The following DENND1A variants were observed in gnomAD, a reference collection of about 807,000 sequenced individuals.
DENND1A encodes the protein DENN domain containing 1A, also known as DENN domain-containing protein 1A.
A neutral mutation model predicts 113.7 loss-of-function variants in DENND1A; 51 were observed. The ratio of observed to expected loss-of-function variants is 0.45; its 90% CI spans 0.36 to 0.57. The LOEUF is 0.57. DENND1A is among the 20% of genes least tolerant of loss of function. DENND1A has a pLI of 0.00. For missense variants in DENND1A, 1,258 were observed against 1,395.9 expected (o/e 0.90, Z 1.57); for synonymous variants, 565 against 570.8 (o/e 0.99, Z 0.14).
intron 2 of DENND1A, among the ~76,000 whole-genome samples, chr9:123,794,163 C>T (rs1833427588): frequency 6.6e-6 from 1 of 152,138 alleles, no homozygotes; most frequent in African/African-American, 2.4e-5. Flanking sequence ...CAGCGGGCAC[C>T]AAGAGTGTGG....
rs2060434831 is a variant in DENND1A, at chr9:123,611,898, G to C, written c.720-2417C>G. ...CTCATGGAAGAGACTGAAGAGGCAA[G>C]AAAGGGCAAAATGGAACTCATTCTT... On this transcript the variant is annotated intron_variant, in intron 10 of 23. Coordinates refer to ENST00000394215, the MANE Select transcript of DENND1A (RefSeq NM_001352964.2). 3.9e-5 allele frequency among the ~76,000 whole-genome samples: 6 copies of C among 152,220 alleles called. No homozygotes were observed. In the South Asian group the frequency reaches 1.2e-3, roughly 31 times the overall value.
chr9:123,852,728 G>C (rs1590375883), intron 2 of DENND1A, among the ~76,000 whole-genome samples: 1 of 152,108 alleles, frequency 6.6e-6, no homozygotes, highest in African/African-American at 2.4e-5. Flanking sequence ...CACAGCAGCA[G>C]AGGGAATACT....
chr9:123,670,943 T>C (rs893001196), intron 7 of DENND1A, among the ~76,000 whole-genome samples: 4 of 152,130 alleles, frequency 2.6e-5, no homozygotes, highest in Admixed American at 2.6e-4. Flanking sequence ...TGTACAGCAG[T>C]GCTGGGGGAC....
Position 123,383,874 on chromosome 9 carries a change from C to T in DENND1A, c.1800G>A (p.Ala600=), listed in dbSNP as rs141135739. ...CTGGACTCTCTGCCTCGTCGCCTTC[C>T]GCGCTGTCTGACTCCCTGAGTGTCC... ...PYRTLRESDS[A]EGDEAESPEQ... The change falls in exon 23 of 24, where the codon GCG becomes GCA. Residue 600 remains alanine, a synonymous_variant. Transcript: ENST00000394215. 59 of 1,612,844 alleles carry T rather than the reference C, an allele frequency of 3.7e-5. No homozygotes were observed. Among genetic ancestry groups the T allele is most frequent in the Non-Finnish European group, 4.4e-5 (52 of 1,180,022 alleles).
chr9:123,390,789 G>A (rs1314813401), intron 21 of DENND1A, among the ~76,000 whole-genome samples: 6 of 152,220 alleles, frequency 3.9e-5, no homozygotes, highest in Non-Finnish European at 7.3e-5. Context: ...AGATGCACAC[G>A]AGGGGACACC....
chr9:123,433,319 A>C (rs978173156), intron 19 of DENND1A, among the ~76,000 whole-genome samples: 4 of 152,124 alleles, frequency 2.6e-5, no homozygotes, highest in African/African-American at 9.7e-5. Context: ...ACTCTAACTC[A>C]TTGTCTCCAG....
At chr9:123,817,427 T>C (rs1358333503) in intron 2 of DENND1A, among the ~76,000 whole-genome samples, 1 of 152,206 alleles carries the variant, frequency 6.6e-6, no homozygotes, top group Non-Finnish European at 1.5e-5. Flanking sequence ...ATCATCCACG[T>C]GCAAGGTATA....
intron 1 of DENND1A, among the ~76,000 whole-genome samples, chr9:123,879,577 T>C (rs1329905887): frequency 7.3e-6 from 1 of 136,682 alleles, no homozygotes; most frequent in African/African-American, 2.9e-5. Flanking sequence ...CACACACAAA[T>C]TGTCTAGGCA....
intron 8 of DENND1A, among the ~76,000 whole-genome samples, chr9:123,658,798 C>T (rs1456507362): frequency 1.3e-5 from 2 of 152,190 alleles, no homozygotes; most frequent in Non-Finnish European, 2.9e-5. Flanking sequence ...ATACTGATCC[C>T]TGTCCTTAGA....
intron 2 of DENND1A, chr9:123,798,629 A>G (rs1834123090): frequency 6.6e-6 from 1 of 151,798 alleles, no homozygotes. Context: ...TCTGATCCTT[A>G]AACAAATTTA....
chr9:123,469,378 T>C (rs940584389), intron 13 of DENND1A, among the ~76,000 whole-genome samples: 5 of 152,234 alleles, frequency 3.3e-5, no homozygotes, highest in Non-Finnish European at 7.3e-5. Context: ...GCTGCCAGTA[T>C]TTGCCCATTC....
intron 4 of DENND1A, among the ~76,000 whole-genome samples, chr9:123,766,482 G>A (rs1828835051): frequency 6.6e-6 from 1 of 152,186 alleles, no homozygotes; most frequent in South Asian, 2.1e-4. Flanking sequence ...AAGAATAAAT[G>A]AGACAGTGAT....
chr9:123,728,504 A>AC lies in DENND1A; in HGVS notation c.302+29198_302+29199insG, dbSNP rs1564150219. Reference sequence around the variant, plus strand: ...CAAAAAAAAAAAAAAAAAAAAAAAAAAAAAAACAGGCATCAGTCATCTTTA... The same window carrying AC: ...CAAAAAAAAAAAAAAAAAAAAAAAAACAAAAAACAGGCATCAGTCATCTTTA... On this transcript the variant is annotated intron_variant, in intron 5 of 23. Transcript: ENST00000394215. Among the ~76,000 whole-genome samples the AC allele has an allele frequency of 4.0e-4, 59 of 147,928 alleles. 1 individual carries two copies. The highest frequency in any genetic ancestry group is 1.5e-3 in the African/African-American group (57 of 39,188).
At chr9:123,499,150 C>T (rs1479101094) in intron 13 of DENND1A, among the ~76,000 whole-genome samples, 1 of 152,164 alleles carries the variant, frequency 6.6e-6, no homozygotes, top group Non-Finnish European at 1.5e-5. Context: ...TCTCCCGCCT[C>T]AGCCTCCCGA....
intron 13 of DENND1A, among the ~76,000 whole-genome samples, chr9:123,465,030 G>A (rs952321741): frequency 2.3e-4 from 34 of 148,608 alleles, no homozygotes; most frequent in African/African-American, 7.9e-4. Context: ...TTAGCCAGGC[G>A]TGGTGGTGCA....
intron 5 of DENND1A, among the ~76,000 whole-genome samples, chr9:123,687,758 C>G (rs2064903079): frequency 6.6e-6 from 1 of 152,214 alleles, no homozygotes; most frequent in Non-Finnish European, 1.5e-5. Flanking sequence ...TTGTGCAAGG[C>G]AAGCAGCCCT....
At chr9:123,475,671 C>T (rs939874396) in intron 13 of DENND1A, among the ~76,000 whole-genome samples, 1 of 152,250 alleles carries the variant, frequency 6.6e-6, no homozygotes, top group Non-Finnish European at 1.5e-5. Context: ...GCTGCACACT[C>T]GCCTGCCATC....
chr9:123,737,071 T>C (rs531633590), intron 5 of DENND1A, among the ~76,000 whole-genome samples: 48 of 152,358 alleles, frequency 3.2e-4, no homozygotes, highest in African/African-American at 9.4e-4. Flanking sequence ...TAATGGAGAA[T>C]AGGAGTTAAT....
chr9:123,903,331 C>CAAAAAAAAAAAA (rs869154918), intron 1 of DENND1A, among the ~76,000 whole-genome samples: 11 of 27,018 alleles, frequency 4.1e-4, no homozygotes, highest in African/African-American at 1.3e-3. Flanking sequence ...GACTCCGTCT[C>CAAAAAAAAAAAA]AAAAAAAAAA....
Sources: gnomAD v4.1 joint callset for allele counts (sites outside exome capture counted in the v4.1 genomes callset) on GRCh38, gnomAD v4.1.1 for gene constraint, MANE v1.5 for transcripts, NCBI Gene and HGNC (gene_info 2026-07-23, HGNC 2026-07-21) for gene names.